RSF1: variants seen among roughly 807,000 people sequenced by gnomAD.
The protein encoded by RSF1 is HBV pX-associated protein 8.
A neutral mutation model predicts 145.2 loss-of-function variants in RSF1; 13 were observed. The observed-to-expected ratio is 0.09, with a 90% CI of 0.06 to 0.14. RSF1 has a LOEUF of 0.14. RSF1 is among the 10% of genes least tolerant of loss of function. The pLI is 1.00. For synonymous variants in RSF1, 577 were observed against 592.6 expected (o/e 0.97, Z 0.38); for missense variants, 1,517 against 1,718.2 (o/e 0.88, Z 2.07).
the RSF1 span, among the ~76,000 whole-genome samples, chr11:77,833,696 G>T: frequency 4.6e-5 from 7 of 152,078 alleles, no homozygotes; most frequent in Non-Finnish European, 1.5e-5. Flanking sequence ...TACTTCATTT[G>T]TACCTATTAG....
chr11:77,761,790 G>A (rs554326594), intron 2 of RSF1, among the ~76,000 whole-genome samples: 27 of 150,736 alleles, frequency 1.8e-4, no homozygotes, highest in Non-Finnish European at 3.5e-4. Context: ...GAGTTAACAG[G>A]TCCTAGCAGA....
chr11:77,819,586 T>G (rs1474752627), intron 1 of RSF1, among the ~76,000 whole-genome samples: 1 of 152,086 alleles, frequency 6.6e-6, no homozygotes, highest in Non-Finnish European at 1.5e-5. Context: ...GAGAGAAACA[T>G]GAGCAACAAG....
chr11:77,719,732 A>G (rs920981953), intron 5 of RSF1, among the ~76,000 whole-genome samples: 5 of 152,266 alleles, frequency 3.3e-5, no homozygotes, highest in African/African-American at 1.2e-4. Context: ...AATGTGGTAT[A>G]TCAATACAAA....
At chr11:77,727,897 T>G (rs574524017) in intron 4 of RSF1, among the ~76,000 whole-genome samples, 2 of 152,360 alleles carry the variant, frequency 1.3e-5, no homozygotes, top group Admixed American at 1.3e-4. Context: ...GTAGTCGTTA[T>G]TATATGAAAA....
At chr11:77,784,690 A>C (rs866252922) in intron 1 of RSF1, among the ~76,000 whole-genome samples, 1 of 152,154 alleles carries the variant, frequency 6.6e-6, no homozygotes, top group African/African-American at 2.4e-5. Context: ...GATTCATCTT[A>C]TCTTTTTAAG....
the RSF1 span, among the ~76,000 whole-genome samples, chr11:77,830,987 CA>C: frequency 0.048 from 4,816 of 100,382 alleles, 121 homozygotes; most frequent in African/African-American, 0.1. Flanking sequence ...CAAAATATAC[CA>C]AAAAAAAAAA....
chr11:77,843,111 C>T, the RSF1 span, among the ~76,000 whole-genome samples: 1,249 of 152,322 alleles, frequency 8.2e-3, 14 homozygotes, highest in African/African-American at 0.027. Flanking sequence ...TCCAAGGCAC[C>T]TGCACCATTT....
intron 7 of RSF1, among the ~76,000 whole-genome samples, 153 bp from the exon 8 acceptor site, chr11:77,693,764 CATTTATTTATTTATTT>C (rs149549639): frequency 6.8e-5 from 10 of 146,554 alleles, no homozygotes; most frequent in Non-Finnish European, 1.1e-4. Flanking sequence ...AGGGATCTGA[CATTTATTTATTTATTT>C]ATTTATTTAT....
At chr11:77,779,436 G>A (rs910315591) in intron 1 of RSF1, among the ~76,000 whole-genome samples, 1 of 151,090 alleles carries the variant, frequency 6.6e-6, no homozygotes, top group Non-Finnish European at 1.5e-5. Context: ...AGGCTGGAGT[G>A]CAATGGCGCG....
chr11:77,749,084 T>C lies in RSF1; in HGVS notation c.280-1956A>G, dbSNP rs372376612. Reference sequence around the variant, plus strand: ...GCCACATATTGCATGATTCCATGTATATGAAGTGTCCAGAATAGTCAAATC... The same window carrying C: ...GCCACATATTGCATGATTCCATGTACATGAAGTGTCCAGAATAGTCAAATC... On this transcript the variant is annotated intron_variant, in intron 2 of 15. Transcript: ENST00000308488. Among the ~76,000 whole-genome samples, 31 of 152,312 alleles carry C rather than the reference T, an allele frequency of 2.0e-4. No homozygotes were observed. In the East Asian group the frequency reaches 5.2e-3, roughly 26 times the overall value.
chr11:77,833,079 CA>C, the RSF1 span, among the ~76,000 whole-genome samples: 1 of 137,924 alleles, frequency 7.3e-6, no homozygotes, highest in Middle Eastern at 3.6e-3. Flanking sequence ...TGGCAGATCT[CA>C]TATCAGTGCA....
At chr11:77,800,020 A>G (rs893622266) in intron 1 of RSF1, among the ~76,000 whole-genome samples, 1 of 152,190 alleles carries the variant, frequency 6.6e-6, no homozygotes, top group Non-Finnish European at 1.5e-5. Context: ...GCTTTCCCAC[A>G]AAGCACTGCA....
chr11:77,755,135 A>G (rs762590259), intron 2 of RSF1, among the ~76,000 whole-genome samples: 4 of 152,354 alleles, frequency 2.6e-5, no homozygotes, highest in Middle Eastern at 3.4e-3. Flanking sequence ...TAAGGGGAAA[A>G]TAGTATGATC....
chr11:77,740,808 C>G lies in RSF1; in HGVS notation c.501G>C (p.Leu167Phe). Residue 167 changes from leucine (L) to phenylalanine (F), a missense_variant, in exon 4 of 16, where the codon TTG (leucine) becomes TTC (phenylalanine). Physicochemically the swap from Leu to Phe is conservative, Grantham distance 22. Transcript: ENST00000308488. ...DKDGLMYWYQ[L>F]DQDHNVRMYI... ...ACATTCTGACATTGTGATCTTGATC[C>G]AATTGGTACCAGTACATGAGGCCAT... 6.2e-7 allele frequency: 1 copy of G among 1,614,046 alleles called. No homozygotes were observed. The highest frequency in any genetic ancestry group is 2.2e-5 in the East Asian group (1 of 44,870).
Position 77,729,895 on chromosome 11 carries a change from C to CAAAAAAAAAAAAAAAAAAAA in RSF1, c.579-4216_579-4197dup, listed in dbSNP as rs398045289. The stretch of plus-strand genomic sequence containing the variant: ...TATAAATGCCAAATTATTCAGTAGG[C>CAAAAAAAAAAAAAAAAAAAA]AAAAAAAAAAAAAAAAAAAAAAAAA... On this transcript the variant is annotated intron_variant, in intron 4 of 15. Coordinates refer to ENST00000308488, the MANE Select transcript of RSF1 (RefSeq NM_016578.4). Among the ~76,000 whole-genome samples, 113 of 48,932 alleles carry CAAAAAAAAAAAAAAAAAAAA rather than the reference C, an allele frequency of 2.3e-3. 20 individuals carry two copies. Among genetic ancestry groups the CAAAAAAAAAAAAAAAAAAAA allele is most frequent in the East Asian group, 3.0e-3 (4 of 1,324 alleles). The allele number at this position is 48,932 out of a possible 152,430, so 32.1% of individuals were successfully genotyped here.
intron 1 of RSF1, among the ~76,000 whole-genome samples, chr11:77,787,841 A>G (rs964562135): frequency 6.6e-6 from 1 of 151,668 alleles, no homozygotes; most frequent in Middle Eastern, 3.2e-3. Context: ...AGTAAAAAAA[A>G]AAAAAAGTTC....
At chr11:77,737,621 G>GTGGGTGT (rs1554991241) in intron 4 of RSF1, among the ~76,000 whole-genome samples, 1 of 93,496 alleles carries the variant, frequency 1.1e-5, no homozygotes, top group South Asian at 3.5e-4. Flanking sequence ...TGTTTTGGGG[G>GTGGGTGT]GTGTGTGTGT....
At chr11:77,731,376 T>C (rs925128852) in intron 4 of RSF1, among the ~76,000 whole-genome samples, 5 of 152,168 alleles carry the variant, frequency 3.3e-5, no homozygotes, top group Middle Eastern at 3.2e-3. Flanking sequence ...TTCAGTTTTA[T>C]AAGGGAAGCA....
intron 9 of RSF1, among the ~76,000 whole-genome samples, chr11:77,686,887 G>A (rs546599827): frequency 1.1e-4 from 16 of 152,030 alleles, no homozygotes; most frequent in Non-Finnish European, 2.4e-4. Flanking sequence ...CATAAAGTAG[G>A]TACCCAATAC....
Sources: allele counts gnomAD v4.1 joint callset (sites outside exome capture counted in the v4.1 genomes callset), GRCh38; gene constraint gnomAD v4.1.1; transcripts MANE v1.5; gene names NCBI Gene and HGNC (gene_info 2026-07-23, HGNC 2026-07-21).